Variants in PSPC1 observed in about 807,000 individuals in gnomAD.
The protein encoded by PSPC1 is paraspeckle component 1.
PSPC1 carries 14 observed loss-of-function variants against 51.6 expected under a neutral mutation model. The ratio of observed to expected loss-of-function variants is 0.27; its 90% CI spans 0.18 to 0.42. PSPC1 has a LOEUF of 0.42. Ranked by LOEUF, PSPC1 falls within the 10% of genes least tolerant of loss-of-function variation. PSPC1 has a pLI of 1.00. For synonymous variants in PSPC1, 193 were observed against 231.9 expected, an observed-to-expected ratio of 0.83 and a Z score of 1.53; for missense variants, 406 against 701.1, an observed-to-expected ratio of 0.58 and a Z score of 4.75.
intron 4 of PSPC1, among the ~76,000 whole-genome samples, chr13:19,742,668 G>T (rs866872705): frequency 3.3e-5 from 5 of 152,156 alleles, no homozygotes; most frequent in Admixed American, 6.6e-5. Context: ...GAATATGGGA[G>T]GCGGAGGTTG....
rs544828128 is a variant in PSPC1, at chr13:19,712,643, T to C, written c.1159-3044A>G. On this transcript the variant is annotated intron_variant, in intron 6 of 8. Transcript: ENST00000338910. Reference sequence around the variant, plus strand: ...TGGTACAAGTTCTAAAATACCTTTCTCTAAATGAGATAATCAGAATATCTT... The same window carrying C: ...TGGTACAAGTTCTAAAATACCTTTCCCTAAATGAGATAATCAGAATATCTT... Among the ~76,000 whole-genome samples, 9 of 152,256 alleles carry C rather than the reference T, an allele frequency of 5.9e-5. No individual in the cohort carries two copies. In the East Asian group the frequency reaches 1.5e-3, roughly 26 times the overall value.
At chr13:19,730,952 A>AC (rs1883989514) in intron 5 of PSPC1, among the ~76,000 whole-genome samples, 1 of 31,340 alleles carries the variant, frequency 3.2e-5, no homozygotes, top group African/African-American at 5.1e-5. Context: ...CTCAGAAAAA[A>AC]AAAACAAAAA....
downstream of PSPC1, chr13:19,672,852 C>T (rs1019234407): frequency 1.5e-5 from 5 of 336,170 alleles, no homozygotes; most frequent in Admixed American, 3.8e-5. Context: ...ATAATCCCAG[C>T]GCTTTGGAGG....
rs182122718 is a variant in PSPC1, at chr13:19,715,367, C to T, written c.1159-5768G>A. Among the ~76,000 whole-genome samples, 661 of 152,196 alleles carry T rather than the reference C, an allele frequency of 4.3e-3. 6 individuals are homozygous for T. The highest frequency in any genetic ancestry group is 0.015 in the African/African-American group (615 of 41,520). On this transcript the variant is annotated intron_variant, in intron 6 of 8. Transcript: ENST00000338910. ...TTTCCAAAGTGGCATGGTAAACATG[C>T]CACTACTGGCACATGGCACTTTTTG...
intron 5 of PSPC1, among the ~76,000 whole-genome samples, chr13:19,737,407 G>C (rs1884961554): frequency 6.6e-6 from 1 of 152,124 alleles, no homozygotes. Context: ...TTATTTTGTA[G>C]AATGTCCTTG....
At chr13:19,758,124 C>A (rs1000647681) in intron 3 of PSPC1, among the ~76,000 whole-genome samples, 6 of 151,988 alleles carry the variant, frequency 3.9e-5, no homozygotes, top group Non-Finnish European at 7.4e-5. Flanking sequence ...ACCATCCTGG[C>A]TAACATGGTG....
At chr13:19,720,137 T>TA (rs377022522) in intron 6 of PSPC1, among the ~76,000 whole-genome samples, 21 of 152,056 alleles carry the variant, frequency 1.4e-4, no homozygotes, top group South Asian at 4.1e-4. Flanking sequence ...CCAGAACTCC[T>TA]AAAAAAAACA....
intron 7 of PSPC1, among the ~76,000 whole-genome samples, chr13:19,708,629 A>G (rs1881005728): frequency 6.6e-6 from 1 of 152,216 alleles, no homozygotes; most frequent in African/African-American, 2.4e-5. Flanking sequence ...AGTCAACTCT[A>G]AAACATGCAT....
At chr13:19,679,893 G>T (rs759264354) in intron 6 of PSPC1, among the ~76,000 whole-genome samples, 1 of 152,106 alleles carries the variant, frequency 6.6e-6, no homozygotes, top group Non-Finnish European at 1.5e-5. Context: ...AAAACTTTAA[G>T]CATTCTCAGC....
In PSPC1 at chr13:19,709,942, C is replaced by T. The variant is rs570988606; in HGVS notation, c.1159-343G>A. Among the ~76,000 whole-genome samples the T allele has an allele frequency of 6.5e-3, 983 of 151,984 alleles. 1 individual carries two copies. The highest frequency in any genetic ancestry group is 0.023 in the African/African-American group (935 of 41,466). On this transcript the variant is annotated intron_variant, in intron 6 of 8. Transcript: ENST00000338910. Reference sequence around the variant, plus strand: ...CAAAGGAAAATCTAGTAATGATAACCACCAGAGCCAATTATTTTCTCCTCC... The same window carrying T: ...CAAAGGAAAATCTAGTAATGATAACTACCAGAGCCAATTATTTTCTCCTCC...
chr13:19,776,491 A>T (rs1397677287), intron 1 of PSPC1, among the ~76,000 whole-genome samples: 1 of 151,966 alleles, frequency 6.6e-6, no homozygotes, highest in Non-Finnish European at 1.5e-5. Context: ...AGTACACTTA[A>T]AATGTGTACC....
In PSPC1 at chr13:19,730,256, G is replaced by C. The variant is rs779858168; in HGVS notation, c.1141C>G (p.Pro381Ala). 15 of 1,613,266 alleles carry C rather than the reference G, an allele frequency of 9.3e-6. No homozygotes were observed. Among genetic ancestry groups the C allele is most frequent in the South Asian group, 7.7e-5 (7 of 90,970 alleles). Residue 381 changes from proline to alanine, a missense_variant, in exon 6 of 9, where the codon CCA (proline) becomes GCA (alanine). This residue lies in a region of PSPC1 where 61 missense variants were observed against 78.4 expected (regional missense o/e 0.78). Coordinates refer to ENST00000338910, the MANE Select transcript of PSPC1 (RefSeq NM_001354909.2). ...ELRRQQEGFK[P>A]NYMENREQEM... Reference sequence around the variant, plus strand: ...TTACTTACATTTTCCATGTAGTTTGGCTTAAAGCCCTCTTGCTGTCGCCTC... The same window carrying C: ...TTACTTACATTTTCCATGTAGTTTGCCTTAAAGCCCTCTTGCTGTCGCCTC...
At chr13:19,764,702 G>A (rs1385692597) in intron 2 of PSPC1, among the ~76,000 whole-genome samples, 5 of 32,160 alleles carry the variant, frequency 1.6e-4, no homozygotes, top group Admixed American at 3.1e-4. Flanking sequence ...AAAAAAAAAA[G>A]GTGGCTTAAA....
At chr13:19,772,602 GTGTT>G in intron 1 of PSPC1, 59 bp from the exon 2 acceptor site, 1 of 1,504,870 alleles carries the variant, frequency 6.6e-7, no homozygotes, top group Non-Finnish European at 8.9e-7. Flanking sequence ...ATTCAAAACA[GTGTT>G]TGGCTTCTAG....
intron 7 of PSPC1, among the ~76,000 whole-genome samples, chr13:19,676,805 T>C (rs1476288841): frequency 6.6e-6 from 1 of 152,174 alleles, no homozygotes; most frequent in Non-Finnish European, 1.5e-5. Context: ...AATGTACCCA[T>C]GGGAATTTTG....
At chr13:19,711,152 G>A (rs1881356179) in intron 6 of PSPC1, among the ~76,000 whole-genome samples, 1 of 152,168 alleles carries the variant, frequency 6.6e-6, no homozygotes, top group South Asian at 2.1e-4. Context: ...TAAAAGCCAT[G>A]TTTTAACTTT....
intron 6 of PSPC1, among the ~76,000 whole-genome samples, chr13:19,681,894 T>C (rs1877305981): frequency 6.6e-6 from 1 of 152,220 alleles, no homozygotes; most frequent in Admixed American, 6.5e-5. Flanking sequence ...GGATTACCTT[T>C]CACCAAAGCT....
At chr13:19,677,532 G>T (rs139288040) in intron 7 of PSPC1, among the ~76,000 whole-genome samples, 297 of 152,292 alleles carry the variant, frequency 2.0e-3, no homozygotes, top group African/African-American at 6.8e-3. Context: ...TACGAAGACA[G>T]GCCAAGCTAT....
intron 1 of PSPC1, among the ~76,000 whole-genome samples, chr13:19,778,573 G>A (rs2138372316): frequency 7.7e-6 from 1 of 129,196 alleles, no homozygotes; most frequent in African/African-American, 2.8e-5. Context: ...GGGTTTCGCT[G>A]TGTTGGCCGG....
Sources: gnomAD v4.1 joint callset for allele counts (sites outside exome capture counted in the v4.1 genomes callset) on GRCh38, gnomAD v4.1.1 for gene constraint, gnomAD v4.1.1 regional missense constraint, MANE v1.5 for transcripts, NCBI Gene and HGNC (gene_info 2026-07-23, HGNC 2026-07-21) for gene names.